Variants in SCNN1B observed in about 807,000 individuals in gnomAD.
SCNN1B encodes sodium channel epithelial 1 subunit beta.
In SCNN1B, 46 loss-of-function variants were observed where a neutral mutation model predicts 65.3. The ratio of observed to expected loss-of-function variants is 0.70; its 90% CI spans 0.56 to 0.90. SCNN1B has a LOEUF of 0.90. Among genes scored for constraint, SCNN1B ranks in the 40% least tolerant of loss-of-function variants. SCNN1B has a pLI of 0.00. For synonymous variants in SCNN1B, 349 were observed against 330.6 expected, an observed-to-expected ratio of 1.06 and a Z score of -0.60; for missense variants, 751 against 830.5, an observed-to-expected ratio of 0.90 and a Z score of 1.18.
chr16:23,318,980 A>G (rs1961530751), intron 1 of SCNN1B, among the ~76,000 whole-genome samples: 1 of 152,106 alleles, frequency 6.6e-6, no homozygotes, highest in Non-Finnish European at 1.5e-5. Context: ...TCTGTGTGCA[A>G]ACACCAGGAA....
At chr16:23,278,870 T>C (rs1450586731) in intron 1 of SCNN1B, among the ~76,000 whole-genome samples, 2 of 151,764 alleles carry the variant, frequency 1.3e-5, no homozygotes, top group Non-Finnish European at 2.9e-5. Flanking sequence ...AGCACAGAAG[T>C]TGGGGGCTGC....
At chr16:23,363,072 C>T (rs1043635800) in intron 4 of SCNN1B, among the ~76,000 whole-genome samples, 1 of 152,216 alleles carries the variant, frequency 6.6e-6, no homozygotes, top group African/African-American at 2.4e-5. Flanking sequence ...CCTTCCCTGA[C>T]TCGCTCCCCA....
upstream of SCNN1B, chr16:23,302,174 G>A (rs72652275): frequency 0.033 from 5,092 of 152,514 alleles, 268 homozygotes; most frequent in African/African-American, 0.12. Context: ...GGGGGCTGGA[G>A]CTTATTGGGA....
chr16:23,356,327 T>C (rs1962420219), intron 4 of SCNN1B, among the ~76,000 whole-genome samples: 1 of 151,738 alleles, frequency 6.6e-6, no homozygotes, highest in Non-Finnish European at 1.5e-5. Flanking sequence ...TGGCAGCACC[T>C]AGAACAAGGC....
At chr16:23,333,578 G>A (rs1160356155) in intron 1 of SCNN1B, among the ~76,000 whole-genome samples, 4 of 152,138 alleles carry the variant, frequency 2.6e-5, no homozygotes, top group Admixed American at 6.5e-5. Flanking sequence ...CTTACTTTGC[G>A]ACGGGCACTG....
intron 1 of SCNN1B, among the ~76,000 whole-genome samples, chr16:23,315,629 G>A (rs1758094126): frequency 6.6e-6 from 1 of 152,052 alleles, no homozygotes; most frequent in Non-Finnish European, 1.5e-5. Context: ...GCAACATAGT[G>A]AGACTCTCTC....
intron 1 of SCNN1B, among the ~76,000 whole-genome samples, chr16:23,311,685 G>C (rs539043506): frequency 6.6e-6 from 1 of 152,332 alleles, no homozygotes; most frequent in African/African-American, 2.4e-5. Flanking sequence ...TAGGGAGCGA[G>C]ACCATGAAGA....
chr16:23,309,862 C>T (rs1961303807), intron 1 of SCNN1B, among the ~76,000 whole-genome samples: 1 of 152,174 alleles, frequency 6.6e-6, no homozygotes, highest in Non-Finnish European at 1.5e-5. Context: ...TATAAAGAGC[C>T]TGTTCCTAGA....
chr16:23,368,235 C>G (rs373853634), intron 5 of SCNN1B, among the ~76,000 whole-genome samples: 113 of 152,226 alleles, frequency 7.4e-4, no homozygotes, highest in African/African-American at 2.6e-3. Flanking sequence ...AGCACAGCTT[C>G]GTGGTCAAGA....
chr16:23,360,429 G>A (rs1384675604), intron 4 of SCNN1B, among the ~76,000 whole-genome samples: 2 of 151,756 alleles, frequency 1.3e-5, no homozygotes, highest in South Asian at 2.1e-4. Flanking sequence ...CACACCTGTA[G>A]ACTCAGCTAC....
At chr16:23,299,063 T>C (rs925896428), upstream of SCNN1B, among the ~76,000 whole-genome samples, 30 of 149,726 alleles carry the variant, frequency 2.0e-4, no homozygotes, top group African/African-American at 7.3e-4. Flanking sequence ...CTTTTTCTTT[T>C]TTTTTTTTTT....
intron 7 of SCNN1B, among the ~76,000 whole-genome samples, chr16:23,373,094 G>A (rs893662918): frequency 5.3e-5 from 8 of 152,054 alleles, no homozygotes; most frequent in African/African-American, 1.9e-4. Flanking sequence ...GTGACAGAGT[G>A]AGACTCTTGT....
At chr16:23,362,441 T>C (rs1567312473) in intron 4 of SCNN1B, among the ~76,000 whole-genome samples, 1 of 152,218 alleles carries the variant, frequency 6.6e-6, no homozygotes. Context: ...ATTATCCAAC[T>C]AGTTTCTGCC....
At position 23,375,865 on chromosome 16, in the gene SCNN1B, G is replaced by A; in HGVS notation, c.1270+10G>A. ...GACTTCCCAGACTGGGGTGAGCGGGGGCACGGGGGATCGGCACTCCAGCCA... is the reference window on the plus strand; with the variant it reads ...GACTTCCCAGACTGGGGTGAGCGGGAGCACGGGGGATCGGCACTCCAGCCA... On this transcript the variant is annotated intron_variant, in intron 8 of 12. Transcript: ENST00000343070. 6.4e-7 allele frequency: 1 copy of A among 1,568,804 alleles called. No homozygotes were observed. The highest frequency in any genetic ancestry group is 1.3e-5 in the African/African-American group (1 of 74,088).
At chr16:23,335,355 G>A (rs1443109622) in intron 1 of SCNN1B, among the ~76,000 whole-genome samples, 6 of 152,150 alleles carry the variant, frequency 3.9e-5, no homozygotes, top group African/African-American at 1.4e-4. Flanking sequence ...ATACCTCTAT[G>A]TTGCCTAAGC....
chr16:23,281,564 G>T (rs1036700046), intron 1 of SCNN1B, among the ~76,000 whole-genome samples: 33 of 152,182 alleles, frequency 2.2e-4, no homozygotes, highest in Admixed American at 2.6e-4. Context: ...GTGGGGTCAG[G>T]TACAGTTGGC....
Position 23,293,114 on chromosome 16 carries a change from C to CAAAAAAAAAA in SCNN1B, n.178+9329_178+9338dup, listed in dbSNP as rs1191618996. On this transcript the variant is annotated intron_variant and non_coding_transcript_variant, in intron 2 of 3. Coordinates refer to the SCNN1B transcript ENST00000569789. ...TGGGCAATACAGGGAGACTCATTCT[C>CAAAAAAAAAA]AAAAAAAAAAAAAAAAAAAAAAAAA... is the stretch of plus-strand genomic sequence containing the variant. 8.8e-4 allele frequency among the ~76,000 whole-genome samples: 30 copies of CAAAAAAAAAA among 34,180 alleles called. 4 individuals carry two copies. Among genetic ancestry groups the CAAAAAAAAAA allele is most frequent in the South Asian group, 2.6e-3 (1 of 392 alleles). 22.4% of individuals were successfully genotyped at this position (34,180 alleles called of 152,430 possible). A position where few individuals can be genotyped will look rare whatever the true frequency, so the allele number is the denominator to read the frequency against.
At chr16:23,377,586 C>CCCTTCCTTCCTTCTTT (rs1962931802) in intron 10 of SCNN1B, among the ~76,000 whole-genome samples, 200 bp downstream of exon 10, 1 of 46,140 alleles carries the variant, frequency 2.2e-5, no homozygotes, top group African/African-American at 1.1e-4. Flanking sequence ...CTTCCTCCCT[C>CCCTTCCTTCCTTCTTT]CCTTCTCCCT....
intron 1 of SCNN1B, among the ~76,000 whole-genome samples, chr16:23,336,161 T>C (rs72654313): frequency 0.053 from 8,098 of 152,306 alleles, 402 homozygotes; most frequent in East Asian, 0.24. Flanking sequence ...TGACTCACCA[T>C]GACTGTGGGT....
Sources: gnomAD v4.1 joint callset for allele counts (sites outside exome capture counted in the v4.1 genomes callset) on GRCh38, gnomAD v4.1.1 for gene constraint, MANE v1.5 for transcripts, NCBI Gene and HGNC (gene_info 2026-07-23, HGNC 2026-07-21) for gene names.